The following CDH13 variants were observed in gnomAD, a reference collection of about 807,000 sequenced individuals.
CDH13 encodes the protein cadherin-13.
Under a neutral mutation model 63.8 loss-of-function variants are expected in CDH13, and 24 were observed. The observed-to-expected ratio is 0.38, with a 90% CI of 0.27 to 0.53. The LOEUF is 0.53. Among genes scored for constraint, CDH13 ranks in the 20% least tolerant of loss-of-function variants. The probability of loss-of-function intolerance (pLI) is 0.85; values close to 1 mark genes in which losing one functional copy is unlikely to be tolerated. For synonymous variants in CDH13, 503 were observed against 355.3 expected, an observed-to-expected ratio of 1.42 and a Z score of -4.67; for missense variants, 1,049 against 903.1, an observed-to-expected ratio of 1.16 and a Z score of -2.07.
At chr16:83,154,337 A>C (rs2037116919) in intron 4 of CDH13, among the ~76,000 whole-genome samples, 1 of 152,102 alleles carries the variant, frequency 6.6e-6, no homozygotes, top group Non-Finnish European at 1.5e-5. Context: ...CTGGGGGTTC[A>C]CAAGGTCAGG....
At chr16:82,704,193 C>A (rs1471037232) in intron 1 of CDH13, among the ~76,000 whole-genome samples, 15 of 152,138 alleles carry the variant, frequency 9.9e-5, no homozygotes, top group Admixed American at 9.8e-4. Context: ...CTTGTGGAAG[C>A]AATCCTCAGC....
At chr16:83,247,565 C>T (rs1905097149) in intron 5 of CDH13, among the ~76,000 whole-genome samples, 1 of 152,112 alleles carries the variant, frequency 6.6e-6, no homozygotes, top group African/African-American at 2.4e-5. Flanking sequence ...TCCCCACCCT[C>T]ATGAAATCCT....
chr16:83,236,511 C>T (rs1476889860), intron 5 of CDH13, among the ~76,000 whole-genome samples: 4 of 152,020 alleles, frequency 2.6e-5, no homozygotes, highest in African/African-American at 9.7e-5. Flanking sequence ...ATTAGTGAAA[C>T]CCTAAGGAAG....
intron 7 of CDH13, among the ~76,000 whole-genome samples, chr16:83,549,562 C>T (rs925938426): frequency 6.6e-6 from 1 of 151,790 alleles, no homozygotes; most frequent in African/African-American, 2.4e-5. Flanking sequence ...TGATCATATT[C>T]CAGCATAGAG....
intron 2 of CDH13, among the ~76,000 whole-genome samples, chr16:82,862,333 A>C (rs1211360055): frequency 1.3e-5 from 2 of 152,216 alleles, no homozygotes; most frequent in Non-Finnish European, 2.9e-5. Flanking sequence ...CCAAGTGATA[A>C]AATCTGACTA....
At chr16:83,272,944 G>T (rs1272093142) in intron 5 of CDH13, among the ~76,000 whole-genome samples, 1 of 152,144 alleles carries the variant, frequency 6.6e-6, no homozygotes, top group Non-Finnish European at 1.5e-5. Context: ...ATTTCTAATT[G>T]TTAATATAGT....
At chr16:82,765,119 G>A (rs377075579) in intron 1 of CDH13, among the ~76,000 whole-genome samples, 2 of 152,134 alleles carry the variant, frequency 1.3e-5, no homozygotes, top group Non-Finnish European at 2.9e-5. Context: ...TCATTTCTTT[G>A]TGGAAGCCCC....
intron 10 of CDH13, among the ~76,000 whole-genome samples, chr16:83,694,842 C>G (rs568969017): frequency 6.6e-6 from 1 of 152,258 alleles, no homozygotes; most frequent in South Asian, 2.1e-4. Flanking sequence ...TGGTCATAAG[C>G]TTTAAGGGGA....
intron 2 of CDH13, among the ~76,000 whole-genome samples, chr16:83,009,628 C>T (rs1168601595): frequency 6.6e-6 from 1 of 152,206 alleles, no homozygotes; most frequent in Non-Finnish European, 1.5e-5. Context: ...AATATTCTCT[C>T]TGCATATTTA....
At position 83,232,517 on chromosome 16, in the gene CDH13, C is replaced by G. The variant is rs544689695; in HGVS notation, c.636+15020C>G. ...CTCCAGCCTGGGCAACAGCAGGACT[C>G]TGTCTCAAAAAACGACAACAACAAC... On this transcript the variant is annotated intron_variant, in intron 5 of 13. Transcript: ENST00000567109. 3.4e-5 allele frequency among the ~76,000 whole-genome samples: 5 copies of G among 148,924 alleles called. No homozygotes were observed. In the South Asian group the frequency reaches 6.3e-4, roughly 19 times the overall value.
At chr16:83,695,890 G>T (rs1048632670) in intron 10 of CDH13, among the ~76,000 whole-genome samples, 2 of 149,392 alleles carry the variant, frequency 1.3e-5, no homozygotes, top group African/African-American at 4.9e-5. Context: ...TTATGCCAAA[G>T]AACTTTTTTT....
rs545794940 is a variant in CDH13 at position 82,767,009 on chromosome 16, G to A, written c.46-91353G>A. On this transcript the variant is annotated intron_variant, in intron 1 of 13. Transcript: ENST00000567109. ...TTACCACCTATCTTTCCTTCTGTGT[G>A]TCTCCCGTCCATCCACTAATCTACC... Among the ~76,000 whole-genome samples the A allele has an allele frequency of 5.9e-5, 9 of 152,148 alleles. No homozygotes were observed. In the East Asian group the frequency reaches 1.5e-3, roughly 26 times the overall value.
intron 2 of CDH13, among the ~76,000 whole-genome samples, chr16:83,015,104 T>G (rs1229969576): frequency 6.6e-6 from 1 of 151,760 alleles, no homozygotes; most frequent in African/African-American, 2.4e-5. Flanking sequence ...TTTAAGTGTA[T>G]ATATAGCTTG....
chr16:82,906,748 G>C (rs889024832), intron 2 of CDH13, among the ~76,000 whole-genome samples: 4 of 152,090 alleles, frequency 2.6e-5, no homozygotes, highest in Non-Finnish European at 4.4e-5. Flanking sequence ...AAGGCTCCAG[G>C]GGAGGATCCT....
intron 6 of CDH13, among the ~76,000 whole-genome samples, chr16:83,401,700 AC>A (rs1467667615): frequency 6.6e-6 from 1 of 152,164 alleles, no homozygotes; most frequent in Non-Finnish European, 1.5e-5. Flanking sequence ...AGAGGATCTT[AC>A]CCAAGGATGC....
At chr16:82,740,119 G>A (rs74030810) in intron 1 of CDH13, among the ~76,000 whole-genome samples, 1,583 of 152,224 alleles carry the variant, frequency 0.01, 26 homozygotes, top group African/African-American at 0.037. Flanking sequence ...TCATAAGACT[G>A]ACCAGAAGGA....
At chr16:83,141,621 T>C (rs965007983) in intron 4 of CDH13, among the ~76,000 whole-genome samples, 15 of 152,158 alleles carry the variant, frequency 9.9e-5, no homozygotes, top group Non-Finnish European at 2.1e-4. Flanking sequence ...ATCTACGTTT[T>C]AAGCCCCGTG....
At chr16:83,321,539 T>TTC (rs1169843577) in intron 5 of CDH13, among the ~76,000 whole-genome samples, 1 of 146,952 alleles carries the variant, frequency 6.8e-6, no homozygotes, top group East Asian at 2.0e-4. Context: ...TTTTTTTTTT[T>TTC]TTTTTTTGAG....
intron 2 of CDH13, among the ~76,000 whole-genome samples, chr16:82,893,536 C>T (rs191084069): frequency 1.1e-4 from 17 of 152,320 alleles, no homozygotes; most frequent in Admixed American, 1.0e-3. Context: ...CAGTATACCA[C>T]TCATTTCCAA....
Sources: gnomAD v4.1 joint callset for allele counts (sites outside exome capture counted in the v4.1 genomes callset) on GRCh38, gnomAD v4.1.1 for gene constraint, MANE v1.5 for transcripts, NCBI Gene and HGNC (gene_info 2026-07-23, HGNC 2026-07-21) for gene names.